Variants in STK17A observed in about 807,000 individuals in gnomAD.
STK17A encodes serine/threonine kinase 17a, also known as serine/threonine-protein kinase 17A.
A neutral mutation model predicts 43.7 loss-of-function variants in STK17A; 26 were observed. The ratio of observed to expected loss-of-function variants is 0.60; its 90% CI spans 0.44 to 0.83. STK17A has a LOEUF of 0.83. Among genes scored for constraint, STK17A ranks in the 40% least tolerant of loss-of-function variants. STK17A has a pLI of 0.00. For missense variants in STK17A, 476 were observed against 511.6 expected (o/e 0.93, Z 0.67); for synonymous variants, 191 against 182.5 (o/e 1.05, Z -0.38).
intron 1 of STK17A, 29 bp from the exon 2 acceptor site, chr7:43,595,872 T>C (rs779076517): frequency 6.2e-7 from 1 of 1,605,460 alleles, no homozygotes; most frequent in South Asian, 1.1e-5. Flanking sequence ...TTGTCAACTT[T>C]AACAGTGAAT....
intron 4 of STK17A, among the ~76,000 whole-genome samples, chr7:43,620,673 C>CAAA (rs34416780): frequency 7.6e-6 from 1 of 131,314 alleles, no homozygotes. Flanking sequence ...GACTCCGTCT[C>CAAA]AAAAAAAAAA....
intron 1 of STK17A, among the ~76,000 whole-genome samples, chr7:43,585,457 C>T (rs1236313752): frequency 6.6e-6 from 1 of 151,402 alleles, no homozygotes; most frequent in East Asian, 1.9e-4. Flanking sequence ...ATTGTGATAT[C>T]TTCTACATAT....
chr7:43,623,385 A>G (rs1183764320), intron 4 of STK17A, 187 bp from the exon 5 acceptor site: 1 of 570,966 alleles, frequency 1.8e-6, no homozygotes, highest in African/African-American at 1.9e-5. Context: ...TGTGAAAAGT[A>G]AACAAGTTAA....
chr7:43,592,670 C>T (rs1399944410), intron 1 of STK17A, among the ~76,000 whole-genome samples: 6 of 130,638 alleles, frequency 4.6e-5, no homozygotes, highest in African/African-American at 1.2e-4. Context: ...GCAAACATGA[C>T]GAAACCCCAT....
At chr7:43,589,433 G>A (rs2082464673) in intron 1 of STK17A, among the ~76,000 whole-genome samples, 2 of 151,360 alleles carry the variant, frequency 1.3e-5, no homozygotes, top group Admixed American at 1.3e-4. Flanking sequence ...ATTAGCATGT[G>A]CATTTTCTGA....
Position 43,583,184 on chromosome 7 carries a change from C to A in STK17A, c.-60C>A. 6.5e-7 allele frequency: 1 copy of A among 1,527,212 alleles called. No homozygotes were observed. Among genetic ancestry groups the A allele is most frequent in the South Asian group, 1.2e-5 (1 of 83,742 alleles). 94.6% of individuals were successfully genotyped at this position (1,527,212 alleles called of 1,614,324 possible). ...CGGCACTAGGAGCCGGGGGCGGGTC[C>A]GTGACCCTCCGGCTGCTCGGAGTGA... On this transcript the variant is annotated 5_prime_UTR_variant, in exon 1 of 7. Coordinates refer to ENST00000319357, the MANE Select transcript of STK17A (RefSeq NM_004760.3).
At chr7:43,619,071 G>C (rs1291561571) in intron 3 of STK17A, among the ~76,000 whole-genome samples, 1 of 152,184 alleles carries the variant, frequency 6.6e-6, no homozygotes, top group Non-Finnish European at 1.5e-5. Flanking sequence ...AACAATACAA[G>C]GATGCTTGAC....
intron 1 of STK17A, among the ~76,000 whole-genome samples, chr7:43,590,673 C>CA (rs1425748673): frequency 6.6e-6 from 1 of 151,416 alleles, no homozygotes; most frequent in East Asian, 1.9e-4. Flanking sequence ...TTTGAGTCAA[C>CA]AAAAAAAGTA....
intron 1 of STK17A, among the ~76,000 whole-genome samples, chr7:43,593,883 T>C (rs1175979995): frequency 6.6e-6 from 1 of 152,220 alleles, no homozygotes; most frequent in Non-Finnish European, 1.5e-5. Flanking sequence ...ATGAGGATAC[T>C]GACTTGATAA....
chr7:43,607,945 T>C (rs1418074822), intron 2 of STK17A, among the ~76,000 whole-genome samples: 1 of 152,180 alleles, frequency 6.6e-6, no homozygotes, highest in Non-Finnish European at 1.5e-5. Flanking sequence ...CTGAGTTGGC[T>C]CAGCCTATAC....
At chr7:43,588,508 C>T (rs1035363053) in intron 1 of STK17A, among the ~76,000 whole-genome samples, 4 of 151,388 alleles carry the variant, frequency 2.6e-5, no homozygotes, top group African/African-American at 4.8e-5. Context: ...GTCCTTTCAG[C>T]GATAAGGAAG....
chr7:43,583,523 G>GGA (rs2082416265), intron 1 of STK17A, 74 bp downstream of exon 1: 1 of 1,185,462 alleles, frequency 8.4e-7, no homozygotes, highest in African/African-American at 1.6e-5. Context: ...ATAAGTGCCG[G>GGA]CGCCGCGGCG....
Position 43,627,312 on chromosome 7 carries a change from GA to G in STK17A, c.*2472del, listed in dbSNP as rs759278764. On this transcript the variant is annotated 3_prime_UTR_variant, in exon 7 of 7. Coordinates refer to ENST00000319357, the MANE Select transcript of STK17A (RefSeq NM_004760.3). Reference sequence around the variant, plus strand: ...AGAGGAAGGACAGATGCTCATTGTTGAATCTCTTAAATTTTTCCAGCTAACC... The same window carrying G: ...AGAGGAAGGACAGATGCTCATTGTTGATCTCTTAAATTTTTCCAGCTAACC... 1.3e-5 allele frequency among the ~76,000 whole-genome samples: 2 copies of G among 152,136 alleles called. No homozygotes were observed. The highest frequency in any genetic ancestry group is 2.9e-5 in the Non-Finnish European group (2 of 68,016).
In STK17A at chr7:43,624,613, A is replaced by G. The variant is rs199987361; in HGVS notation, c.1016A>G (p.Glu339Gly). 1 of 1,614,168 alleles carries G rather than the reference A, an allele frequency of 6.2e-7. No homozygotes were observed. The highest frequency in any genetic ancestry group is 2.2e-5 in the East Asian group (1 of 44,874). ...TTCAGGATGGAAAAGGCACTAGAAG[A>G]AGCAAATGCCCTCCAAGAAGGTCAT... ...PSFRMEKALE[E>G]ANALQEGHSV... Residue 339 changes from glutamate to glycine, a missense_variant, in exon 7 of 7, where the codon GAA (glutamate) becomes GGA (glycine). Physicochemically the swap from Glu to Gly is moderately conservative, Grantham distance 98 (BLOSUM62 -2). Coordinates refer to ENST00000319357, the MANE Select transcript of STK17A (RefSeq NM_004760.3).
At chr7:43,597,787 G>A (rs1332135665) in intron 2 of STK17A, among the ~76,000 whole-genome samples, 4 of 152,086 alleles carry the variant, frequency 2.6e-5, no homozygotes, top group African/African-American at 9.7e-5. Flanking sequence ...ACAAAAATTA[G>A]CTGGGAGTGG....
At chr7:43,610,277 G>A (rs1393448953) in intron 3 of STK17A, among the ~76,000 whole-genome samples, 1 of 150,622 alleles carries the variant, frequency 6.6e-6, no homozygotes, top group African/African-American at 2.4e-5. Flanking sequence ...AACCCAGGAG[G>A]TGGAGCTTGC....
At chr7:43,621,840 AG>A (rs1407809019) in intron 4 of STK17A, among the ~76,000 whole-genome samples, 1 of 149,594 alleles carries the variant, frequency 6.7e-6, no homozygotes, top group East Asian at 2.0e-4. Flanking sequence ...AGAAAAACAA[AG>A]GGACTCTCCT....
At chr7:43,613,613 TAGA>T (rs2083075091) in intron 3 of STK17A, among the ~76,000 whole-genome samples, 1 of 151,902 alleles carries the variant, frequency 6.6e-6, no homozygotes, top group South Asian at 2.1e-4. Flanking sequence ...GAGGCTGAGG[TAGA>T]AGGACCACAT....
Position 43,616,599 on chromosome 7 carries a change from A to T in STK17A, c.565-2998A>T, listed in dbSNP as rs1430200411. On this transcript the variant is annotated intron_variant, in intron 3 of 6. Transcript: ENST00000319357. ...TTGGATAGAAGGTAAGACCCTTTTT[A>T]AAAAGAGGGACCGTCTGGCCGGGCG... Among the ~76,000 whole-genome samples the T allele has an allele frequency of 5.9e-5, 9 of 152,242 alleles. No homozygotes were observed. In the South Asian group the frequency reaches 1.9e-3, roughly 32 times the overall value.
Sources: gnomAD v4.1 joint callset for allele counts (sites outside exome capture counted in the v4.1 genomes callset) on GRCh38, gnomAD v4.1.1 for gene constraint, MANE v1.5 for transcripts, NCBI Gene and HGNC (gene_info 2026-07-23, HGNC 2026-07-21) for gene names.